SNTG1: variants seen among roughly 807,000 people sequenced by gnomAD.
The protein encoded by SNTG1 is gamma-1-syntrophin.
A neutral mutation model predicts 74.7 loss-of-function variants in SNTG1; 39 were observed. That is an observed-to-expected ratio of 0.52 (90% CI 0.40 to 0.68). The LOEUF (loss-of-function observed/expected upper bound fraction) is 0.68, where lower values mean the gene tolerates loss of function less well. Ranked by LOEUF, SNTG1 falls within the 30% of genes least tolerant of loss-of-function variation. SNTG1 has a pLI of 0.00. For missense variants in SNTG1, 685 were observed against 609.5 expected (o/e 1.12, Z -1.30); for synonymous variants, 254 against 217.1 (o/e 1.17, Z -1.49).
intron 1 of SNTG1, among the ~76,000 whole-genome samples, chr8:50,120,247 A>G (rs2080950877): frequency 7.1e-6 from 1 of 140,746 alleles, no homozygotes; most frequent in African/African-American, 2.6e-5. Context: ...CTTAAGAAAA[A>G]GTTAGATCTT....
intron 4 of SNTG1, among the ~76,000 whole-genome samples, chr8:50,422,312 G>T (rs1454886702): frequency 8.2e-6 from 1 of 121,482 alleles, no homozygotes. Flanking sequence ...ACATAAAATT[G>T]ATTGACCAAG....
intron 11 of SNTG1, among the ~76,000 whole-genome samples, chr8:50,551,964 T>C (rs2094429924): frequency 6.6e-6 from 1 of 152,138 alleles, no homozygotes; most frequent in Admixed American, 6.5e-5. Flanking sequence ...GAGCCAGACA[T>C]GCTCTATGGG....
intron 1 of SNTG1, among the ~76,000 whole-genome samples, chr8:49,996,630 C>G (rs1448852131): frequency 6.6e-6 from 1 of 152,050 alleles, no homozygotes; most frequent in Non-Finnish European, 1.5e-5. Flanking sequence ...GACCAATTGC[C>G]AGTCCAAATG....
At chr8:50,329,079 A>T (rs899908800) in intron 2 of SNTG1, among the ~76,000 whole-genome samples, 5 of 152,150 alleles carry the variant, frequency 3.3e-5, no homozygotes, top group African/African-American at 1.2e-4. Flanking sequence ...CTCCAAAATA[A>T]TCTTTTACTC....
At chr8:50,150,244 G>C (rs1226370957) in intron 1 of SNTG1, among the ~76,000 whole-genome samples, 1 of 152,144 alleles carries the variant, frequency 6.6e-6, no homozygotes, top group Non-Finnish European at 1.5e-5. Flanking sequence ...CATTGATTTT[G>C]TATCCTGAGA....
intron 13 of SNTG1, among the ~76,000 whole-genome samples, chr8:50,594,198 C>T (rs1231945130): frequency 6.6e-6 from 1 of 152,120 alleles, no homozygotes; most frequent in Admixed American, 6.5e-5. Context: ...CATATAGGCC[C>T]AGACAACCAG....
chr8:50,729,084 T>C (rs2095506849), intron 17 of SNTG1, among the ~76,000 whole-genome samples: 1 of 152,206 alleles, frequency 6.6e-6, no homozygotes. Flanking sequence ...CCATAGGGAT[T>C]GTCCCTTAGG....
At chr8:50,414,636 A>G (rs546201130) in intron 4 of SNTG1, among the ~76,000 whole-genome samples, 6 of 151,566 alleles carry the variant, frequency 4.0e-5, no homozygotes, top group South Asian at 2.1e-4. Context: ...GTTTGACATT[A>G]TTTTTATTTA....
chr8:50,173,385 C>A (rs528602875), intron 2 of SNTG1, among the ~76,000 whole-genome samples: 38 of 152,176 alleles, frequency 2.5e-4, no homozygotes, highest in Non-Finnish European at 4.6e-4. Context: ...TATGTCCTTA[C>A]AGTCCAAGGA....
At chr8:50,088,409 A>T (rs1823122746) in intron 1 of SNTG1, among the ~76,000 whole-genome samples, 2 of 132,996 alleles carry the variant, frequency 1.5e-5, no homozygotes, top group South Asian at 5.5e-4. Context: ...GGCCAGGGCA[A>T]TTAGGCAGGA....
chr8:50,678,024 G>C (rs2095315938), intron 15 of SNTG1, among the ~76,000 whole-genome samples: 1 of 151,764 alleles, frequency 6.6e-6, no homozygotes, highest in Admixed American at 6.6e-5. Flanking sequence ...ATCAATAGGT[G>C]CAGCAAACCA....
chr8:50,312,673 A>G (rs1442648570), intron 2 of SNTG1, among the ~76,000 whole-genome samples: 1 of 149,884 alleles, frequency 6.7e-6, no homozygotes, highest in Non-Finnish European at 1.5e-5. Context: ...CCTCATACCC[A>G]TTACTAAACT....
intron 1 of SNTG1, among the ~76,000 whole-genome samples, chr8:50,140,490 T>A (rs1215355488): frequency 6.6e-6 from 1 of 152,080 alleles, no homozygotes; most frequent in East Asian, 1.9e-4. Flanking sequence ...TTTGCGAGAA[T>A]GTGTGTGTAT....
chr8:50,613,149 C>T (rs1441264648), intron 13 of SNTG1, among the ~76,000 whole-genome samples: 1 of 152,078 alleles, frequency 6.6e-6, no homozygotes, highest in African/African-American at 2.4e-5. Context: ...GGTGAGTCTC[C>T]CTTTCCTGCT....
intron 1 of SNTG1, among the ~76,000 whole-genome samples, chr8:49,916,867 T>TA (rs1211785412): frequency 2.0e-5 from 3 of 150,794 alleles, no homozygotes; most frequent in South Asian, 2.1e-4. Context: ...ACATAAAAAA[T>TA]AAAAAAATAA....
intron 17 of SNTG1, 99 bp from the exon 18 acceptor site, chr8:50,751,900 CTT>C: frequency 4.8e-6 from 3 of 628,272 alleles, no homozygotes; most frequent in South Asian, 2.7e-5. Context: ...ATAGTACTAA[CTT>C]TGTATGATTA....
At chr8:50,009,440 G>A (rs894762806) in intron 1 of SNTG1, among the ~76,000 whole-genome samples, 8 of 152,058 alleles carry the variant, frequency 5.3e-5, no homozygotes, top group East Asian at 1.9e-4. Context: ...TTCACCTTTC[G>A]TGTAAATGTA....
chr8:50,584,937 A>C (rs2094637696), intron 12 of SNTG1, among the ~76,000 whole-genome samples: 1 of 152,038 alleles, frequency 6.6e-6, no homozygotes, highest in Admixed American at 6.6e-5. Flanking sequence ...TCTGCCTGGA[A>C]AGCCCAAAGT....
intron 9 of SNTG1, among the ~76,000 whole-genome samples, chr8:50,521,634 C>A (rs1267094984): frequency 6.6e-6 from 1 of 152,150 alleles, no homozygotes; most frequent in Non-Finnish European, 1.5e-5. Context: ...AACATGTAAT[C>A]TTCTTGGGGG....
Sources: allele counts gnomAD v4.1 joint callset (sites outside exome capture counted in the v4.1 genomes callset), GRCh38; gene constraint gnomAD v4.1.1; transcripts MANE v1.5; gene names NCBI Gene and HGNC (gene_info 2026-07-23, HGNC 2026-07-21).